Variants in EHF observed in about 807,000 individuals in gnomAD.
EHF encodes the protein ETS homologous factor.
In EHF, 14 loss-of-function variants were observed where a neutral mutation model predicts 45.1. The observed-to-expected ratio is 0.31, with a 90% CI of 0.21 to 0.49. EHF has a LOEUF of 0.49. Ranked by LOEUF, EHF falls within the 20% of genes least tolerant of loss-of-function variation. The pLI is 0.99. For synonymous variants in EHF, 136 were observed against 131.8 expected, an observed-to-expected ratio of 1.03 and a Z score of -0.22; for missense variants, 282 against 371.4, an observed-to-expected ratio of 0.76 and a Z score of 1.98.
chr11:34,644,737 T>A (rs1854345614), intron 2 of EHF, among the ~76,000 whole-genome samples: 1 of 152,214 alleles, frequency 6.6e-6, no homozygotes, highest in Non-Finnish European at 1.5e-5. Context: ...ATGGGCATTA[T>A]GGGAGTTAAA....
chr11:34,632,780 G>T, intron 1 of EHF: 3 of 1,127,564 alleles, frequency 2.7e-6, no homozygotes, highest in South Asian at 2.8e-5. Flanking sequence ...TTTGGAAGCC[G>T]TGTCCTTGTG....
At chr11:34,652,901 C>T (rs1453851895) in intron 6 of EHF, among the ~76,000 whole-genome samples, 1 of 152,184 alleles carries the variant, frequency 6.6e-6, no homozygotes, top group Non-Finnish European at 1.5e-5. Context: ...CTCGACTTCT[C>T]CTTCCCCCAG....
intron 1 of EHF, among the ~76,000 whole-genome samples, chr11:34,635,335 C>G (rs139180220): frequency 6.6e-6 from 1 of 151,964 alleles, no homozygotes. Flanking sequence ...AATCCCGAGG[C>G]TGAGCAGAGC....
intron 3 of EHF, 77 bp downstream of exon 3, chr11:34,646,761 A>G: frequency 6.4e-7 from 1 of 1,561,534 alleles, no homozygotes; most frequent in Non-Finnish European, 8.7e-7. Flanking sequence ...AGATGACAGG[A>G]TTCTTTGTCA....
At chr11:34,657,505 A>T (rs1460303359) in intron 7 of EHF, among the ~76,000 whole-genome samples, 1 of 152,168 alleles carries the variant, frequency 6.6e-6, no homozygotes, top group East Asian at 1.9e-4. Context: ...ACACAGAAAG[A>T]AATCAAGATG....
At chr11:34,643,745 G>C (rs1287656646) in intron 2 of EHF, among the ~76,000 whole-genome samples, 1 of 152,192 alleles carries the variant, frequency 6.6e-6, no homozygotes, top group African/African-American at 2.4e-5. Context: ...ATTTTCTGTT[G>C]TGGGCCTCAA....
chr11:34,623,954 G>T (rs955919963), intron 1 of EHF, among the ~76,000 whole-genome samples: 2 of 152,122 alleles, frequency 1.3e-5, no homozygotes, highest in South Asian at 4.1e-4. Flanking sequence ...CCTCCATATG[G>T]AGTCATCTCT....
intron 2 of EHF, among the ~76,000 whole-genome samples, chr11:34,643,735 AT>A (rs1324620424): frequency 6.6e-6 from 1 of 152,094 alleles, no homozygotes; most frequent in Admixed American, 6.5e-5. Flanking sequence ...GGGCAGTTGC[AT>A]TTTCTGTTGT....
At chr11:34,648,380 T>C (rs1009683701) in intron 3 of EHF, among the ~76,000 whole-genome samples, 1 of 151,764 alleles carries the variant, frequency 6.6e-6, no homozygotes. Flanking sequence ...TACATATATA[T>C]GCTTTTATAT....
At position 34,658,645 on chromosome 11, in the gene EHF, G is replaced by A. The variant is rs781267458; in HGVS notation, c.720G>A (p.Leu240=). Residue 240 remains leucine, a synonymous_variant, in exon 8 of 9, where the codon TTG becomes TTA. Transcript: ENST00000257831. ...GATCTGAGGGCGTCTTCAGGTTCTT[G>A]AAATCAGAGGCAGTGGCTCAGCTAT... is the stretch of plus-strand genomic sequence containing the variant. ...EDRSEGVFRF[L]KSEAVAQLWG... 3 of 1,613,816 alleles carry A rather than the reference G, an allele frequency of 1.9e-6. No individual in the cohort carries two copies. The East Asian group carries it at 6.7e-5, about 36-fold the overall frequency.
rs181867957 is a variant in EHF, at chr11:34,628,262, A to G, written c.-4+7034A>G. Among the ~76,000 whole-genome samples, 30 of 152,086 alleles carry G rather than the reference A, an allele frequency of 2.0e-4. No individual in the cohort carries two copies. The East Asian group carries it at 5.6e-3, about 28-fold the overall frequency. On this transcript the variant is annotated intron_variant, in intron 1 of 8. Coordinates refer to ENST00000257831, the MANE Select transcript of EHF (RefSeq NM_012153.6). ...CAAAAAAATTAAAAAATAAAAAAAA[A>G]CTCTGTAATTACTTTTGCACCAACA...
At position 34,632,534 on chromosome 11, in the gene EHF, A is replaced by G. The variant is rs1852987270; in HGVS notation, c.-3-10094A>G. ...AGGCTGCTTTGTGAAACTCAGAAGC[A>G]TTATCCTCTCTGCCAACTCCACGTC... On this transcript the variant is annotated intron_variant, in intron 1 of 8. Coordinates refer to ENST00000257831, the MANE Select transcript of EHF (RefSeq NM_012153.6). 1.2e-5 allele frequency: 19 copies of G among 1,535,352 alleles called. No homozygotes were observed. The South Asian group carries it at 2.3e-4, about 18-fold the overall frequency.
chr11:34,630,369 A>C (rs919636675), intron 1 of EHF, among the ~76,000 whole-genome samples: 4 of 152,200 alleles, frequency 2.6e-5, no homozygotes, highest in African/African-American at 9.7e-5. Context: ...ATTCAGGGTT[A>C]TTGTGAGGAT....
At position 34,659,009 on chromosome 11, in the gene EHF, C is replaced by A; in HGVS notation, c.*78C>A. The A allele has an allele frequency of 9.0e-7, 1 of 1,109,402 alleles. No individual in the cohort carries two copies. The highest frequency in any genetic ancestry group is 1.3e-6 in the Non-Finnish European group (1 of 774,510). 68.7% of individuals were successfully genotyped at this position (1,109,402 alleles called of 1,614,324 possible). ...AAAGAACTCCTGGACGTAAATATTTCAAAGACTACTTTTCTCTGATATTTA... is the reference window on the plus strand; with the variant it reads ...AAAGAACTCCTGGACGTAAATATTTAAAAGACTACTTTTCTCTGATATTTA... On this transcript the variant is annotated 3_prime_UTR_variant, in exon 9 of 9. Transcript: ENST00000257831.
At chr11:34,639,980 G>A (rs901363946) in intron 1 of EHF, among the ~76,000 whole-genome samples, 5 of 152,162 alleles carry the variant, frequency 3.3e-5, no homozygotes, top group African/African-American at 4.8e-5. Context: ...TTGGCCACAG[G>A]TGGAGAACTG....
chr11:34,649,707 T>C (rs1854955627), intron 4 of EHF, among the ~76,000 whole-genome samples: 1 of 152,134 alleles, frequency 6.6e-6, no homozygotes, highest in Middle Eastern at 3.2e-3. Flanking sequence ...TAAATCTCTC[T>C]CCTGGAGACT....
chr11:34,634,098 A>G (rs1350306303), intron 1 of EHF, among the ~76,000 whole-genome samples: 1 of 152,216 alleles, frequency 6.6e-6, no homozygotes, highest in Admixed American at 6.5e-5. Context: ...AGAATCAAAT[A>G]CATTCCCCAA....
In EHF at chr11:34,658,940, A is replaced by G; in HGVS notation, c.*9A>G. ...GAGAAAATGAAAACTGAAGCTGCCA[A>G]TACTTTGGACACAAACCAAAACACA... On this transcript the variant is annotated 3_prime_UTR_variant, in exon 9 of 9. Coordinates refer to ENST00000257831, the MANE Select transcript of EHF (RefSeq NM_012153.6). 1.2e-6 allele frequency: 2 copies of G among 1,606,606 alleles called. No homozygotes were observed. Among genetic ancestry groups the G allele is most frequent in the South Asian group, 2.2e-5 (2 of 90,134 alleles).
chr11:34,654,403 C>A (rs1312561776), intron 6 of EHF, among the ~76,000 whole-genome samples: 2 of 152,196 alleles, frequency 1.3e-5, no homozygotes, highest in African/African-American at 4.8e-5. Context: ...GGTTAAAGAT[C>A]AAAAGATATC....
Sources: allele counts gnomAD v4.1 joint callset (sites outside exome capture counted in the v4.1 genomes callset), GRCh38; gene constraint gnomAD v4.1.1; transcripts MANE v1.5; gene names NCBI Gene and HGNC (gene_info 2026-07-23, HGNC 2026-07-21).